TMIE: variants seen among roughly 807,000 people sequenced by gnomAD.
TMIE encodes the protein transmembrane inner ear expressed protein.
In TMIE, 14 loss-of-function variants were observed where a neutral mutation model predicts 16.8. The ratio of observed to expected loss-of-function variants is 0.83; its 90% CI spans 0.55 to 1.30. The LOEUF (loss-of-function observed/expected upper bound fraction) is 1.30. TMIE is among the 50% of genes most tolerant of loss of function. The pLI, the probability that TMIE is intolerant of heterozygous loss-of-function variation, is 0.00. For synonymous variants in TMIE, 75 were observed against 87.2 expected, an observed-to-expected ratio of 0.86 and a Z score of 0.78; for missense variants, 204 against 205.9, an observed-to-expected ratio of 0.99 and a Z score of 0.06.
At chr3:46,707,992 T>C (rs1417448070) in intron 2 of TMIE, among the ~76,000 whole-genome samples, 1 of 152,226 alleles carries the variant, frequency 6.6e-6, no homozygotes. Flanking sequence ...GGTCCACCCC[T>C]GGACAGTCGG....
chr3:46,699,053 G>GTTTTT (rs1553631618), upstream of TMIE, among the ~76,000 whole-genome samples: 1 of 92,556 alleles, frequency 1.1e-5, no homozygotes, highest in African/African-American at 3.6e-5. Context: ...TTCAAATGGT[G>GTTTTT]TTTCTTATTT....
At position 46,701,492 on chromosome 3, in the gene TMIE, CG is replaced by C; in HGVS notation, c.9del (p.Trp4GlyfsTer41). 1 of 1,346,448 alleles carries C rather than the reference CG, an allele frequency of 7.4e-7. No homozygotes were observed. Among genetic ancestry groups the C allele is most frequent in the Non-Finnish European group, 9.5e-7 (1 of 1,052,594 alleles). 83.4% of individuals were successfully genotyped at this position (1,346,448 alleles called of 1,614,324 possible). On this transcript the variant is annotated frameshift_variant, in exon 1 of 4. Transcript: ENST00000643606. LOFTEE classifies it high-confidence loss of function. This position sits in a 1 kb window ranked among gnomAD's most constrained non-coding sequence, Gnocchi z 4.3. The stretch of plus-strand genomic sequence containing the variant: ...AAGCGGCGCGGTGGCACGAAGATGG[CG>C]GGGTGGCCGGGCGCGGGTCCCCTCT... M[A>X]GWPGAGPLCV...
At chr3:46,709,042 G>C in intron 2 of TMIE, 84 bp from the exon 3 acceptor site, 2 of 1,573,408 alleles carry the variant, frequency 1.3e-6, no homozygotes, top group Non-Finnish European at 1.7e-6. Context: ...TGGGTGGATG[G>C]GGGCGGGCCT....
intron 1 of TMIE, among the ~76,000 whole-genome samples, chr3:46,695,303 G>A (rs1446192694): frequency 6.6e-6 from 1 of 152,234 alleles, no homozygotes; most frequent in Non-Finnish European, 1.5e-5. Context: ...GGTACATTCT[G>A]GAAGAGCTGG....
At chr3:46,697,544 C>T (rs1033226768), upstream of TMIE, among the ~76,000 whole-genome samples, 4 of 152,190 alleles carry the variant, frequency 2.6e-5, no homozygotes, top group Admixed American at 6.5e-5. Context: ...CTGTATCCTT[C>T]GTAATACCCT....
rs932382084 is a variant in TMIE, at chr3:46,709,631, C to T, written c.414C>T (p.Ala138=). The change falls in exon 4 of 4, where the codon GCC becomes GCT. Residue 138 remains alanine (A), a synonymous_variant. Coordinates refer to ENST00000643606, the MANE Select transcript of TMIE (RefSeq NM_147196.3). ...AGAAGGACAGTGTGGACACAGTGGC[C>T]ATCAAAGTAGAGGAGGATGAGAAGA... is the stretch of plus-strand genomic sequence containing the variant. ...KKKKDSVDTV[A]IKVEEDEKNE... 2 of 1,613,658 alleles carry T rather than the reference C, an allele frequency of 1.2e-6. No homozygotes were observed. Among genetic ancestry groups the T allele is most frequent in the Non-Finnish European group, 1.7e-6 (2 of 1,179,854 alleles).
intron 2 of TMIE, among the ~76,000 whole-genome samples, 200 bp from the exon 3 acceptor site, chr3:46,708,926 A>G (rs1700586377): frequency 6.6e-6 from 1 of 152,248 alleles, no homozygotes; most frequent in Non-Finnish European, 1.5e-5. Context: ...GTGCAGCTGC[A>G]TGAAGTCAGC....
intron 1 of TMIE, among the ~76,000 whole-genome samples, chr3:46,704,146 C>A: frequency 6.6e-6 from 1 of 151,444 alleles, no homozygotes; most frequent in East Asian, 1.9e-4. Flanking sequence ...ACACCCAGGG[C>A]AGGACCGTGT....
rs1700475670 is a variant in TMIE, at chr3:46,701,493, G to T, written c.6G>T (p.Ala2=). The T allele has an allele frequency of 3.0e-6, 4 of 1,347,922 alleles. No individual in the cohort carries two copies. Among genetic ancestry groups the T allele is most frequent in the Non-Finnish European group, 3.8e-6 (4 of 1,053,656 alleles). The allele number at this position is 1,347,922 out of a possible 1,614,324, so 83.5% of individuals were successfully genotyped here. Residue 2 remains alanine, a synonymous_variant, in exon 1 of 4, where the codon GCG becomes GCT. Coordinates refer to ENST00000643606, the MANE Select transcript of TMIE (RefSeq NM_147196.3). The surrounding 1 kb of genome is among the most constrained non-coding windows in gnomAD (Gnocchi z 4.3). Reference sequence around the variant, plus strand: ...AGCGGCGCGGTGGCACGAAGATGGCGGGGTGGCCGGGCGCGGGTCCCCTCT... The same window carrying T: ...AGCGGCGCGGTGGCACGAAGATGGCTGGGTGGCCGGGCGCGGGTCCCCTCT... M[A]GWPGAGPLCV...
chr3:46,693,964 C>G (rs956418057), upstream of TMIE, among the ~76,000 whole-genome samples: 4 of 152,060 alleles, frequency 2.6e-5, no homozygotes, highest in African/African-American at 9.7e-5. Context: ...TACGCACCCA[C>G]GCGCACACTC....
chr3:46,704,263 CCCCTAGACACCCAGGGCAGGACCATGT>C (rs1369315913), intron 1 of TMIE, among the ~76,000 whole-genome samples: 14 of 142,132 alleles, frequency 9.8e-5, no homozygotes, highest in South Asian at 2.3e-4. Context: ...TGGACCATGT[CCCCTAGACACCCAGGGCAGGACCATGT>C]CCCTAGACAC....
Position 46,701,556 on chromosome 3 carries a change from G to C in TMIE, c.69G>C (p.Ala23=), listed in dbSNP as rs1700477403. The change falls in exon 1 of 4, where the codon GCG becomes GCC. Residue 23 remains alanine, a synonymous_variant. Transcript: ENST00000643606. The surrounding 1 kb of genome is among the most constrained non-coding windows in gnomAD (Gnocchi z 4.3). The part of the protein sequence containing the change: ...LGGAALGVCL[A]GVAGQLVEPS... ...GCGCCGCACTCGGGGTGTGCCTCGC[G>C]GGGGTTGCCGGGCAGCTGGTGGAGG... 1 of 1,287,924 alleles carries C rather than the reference G, an allele frequency of 7.8e-7. No individual in the cohort carries two copies. Among genetic ancestry groups the C allele is most frequent in the African/African-American group, 1.5e-5 (1 of 64,668 alleles). The allele number at this position is 1,287,924 out of a possible 1,614,324, so 79.8% of individuals were successfully genotyped here.
upstream of TMIE, among the ~76,000 whole-genome samples, chr3:46,700,009 G>C (rs1306250758): frequency 6.6e-6 from 1 of 152,260 alleles, no homozygotes; most frequent in Non-Finnish European, 1.5e-5. Context: ...TCCCGAGGGT[G>C]ACCTCCCTGA....
upstream of TMIE, among the ~76,000 whole-genome samples, chr3:46,699,475 T>C (rs1700445780): frequency 6.6e-6 from 1 of 152,180 alleles, no homozygotes. Context: ...TTCAGTCAGT[T>C]TGATTTTGAA....
upstream of TMIE, among the ~76,000 whole-genome samples, chr3:46,694,249 C>T (rs1700343897): frequency 6.6e-6 from 1 of 152,212 alleles, no homozygotes; most frequent in Non-Finnish European, 1.5e-5. Flanking sequence ...GTCCCCTTTC[C>T]TCCCCACTCC....
chr3:46,709,801 G>A lies in TMIE; in HGVS notation c.*113G>A. On this transcript the variant is annotated 3_prime_UTR_variant, in exon 4 of 4. Transcript: ENST00000643606. ...GACCACAGAGGCTGTGGTCAGAGAG[G>A]GAAGCTGAGGCCCATGGCCACATCC... 6.4e-7 allele frequency: 1 copy of A among 1,572,924 alleles called. No homozygotes were observed. Among genetic ancestry groups the A allele is most frequent in the Non-Finnish European group, 8.6e-7 (1 of 1,159,982 alleles).
At chr3:46,699,735 G>A (rs1186469816), upstream of TMIE, among the ~76,000 whole-genome samples, 1 of 152,198 alleles carries the variant, frequency 6.6e-6, no homozygotes, top group Non-Finnish European at 1.5e-5. Context: ...TTGATGGATG[G>A]ATGAACTTTA....
In TMIE at chr3:46,709,063, G is replaced by C. The variant is rs11130106; in HGVS notation, c.212-63G>C. On this transcript the variant is annotated intron_variant, in intron 2 of 3. Coordinates refer to ENST00000643606, the MANE Select transcript of TMIE (RefSeq NM_147196.3). The stretch of plus-strand genomic sequence containing the variant: ...GATGGGGGCGGGCCTGAAGGAAGGC[G>C]GATGCCATTCCTTGGGTCTCTGAAC... 4.4e-6 allele frequency: 7 copies of C among 1,605,670 alleles called. No homozygotes were observed. The African/African-American group carries it at 6.7e-5, about 15-fold the overall frequency.
intron 1 of TMIE, among the ~76,000 whole-genome samples, chr3:46,704,261 G>A (rs1436825771): frequency 7.0e-6 from 1 of 142,406 alleles, no homozygotes; most frequent in Non-Finnish European, 1.5e-5. Flanking sequence ...GGTGGACCAT[G>A]TCCCCTAGAC....
Sources: allele counts gnomAD v4.1 joint callset (sites outside exome capture counted in the v4.1 genomes callset), GRCh38; gene constraint gnomAD v4.1.1; non-coding constraint Gnocchi (gnomAD v3.1); transcripts MANE v1.5; gene names NCBI Gene and HGNC (gene_info 2026-07-23, HGNC 2026-07-21).